Variants in PTCHD4 observed in about 807,000 individuals in gnomAD.
PTCHD4 encodes the protein patched domain-containing protein 4.
Under a neutral mutation model 58.1 loss-of-function variants are expected in PTCHD4, and 33 were observed. The observed-to-expected ratio is 0.57, with a 90% CI of 0.43 to 0.76. The LOEUF is 0.76. PTCHD4 is among the 30% of genes least tolerant of loss of function. The probability of loss-of-function intolerance (pLI) is 0.00; values close to 1 mark genes in which losing one functional copy is unlikely to be tolerated. For synonymous variants in PTCHD4, 478 were observed against 409.6 expected (o/e 1.17, Z -2.02); for missense variants, 1,058 against 1,027.1 (o/e 1.03, Z -0.41).
chr6:47,887,155 T>A (rs1764218819), intron 4 of PTCHD4, among the ~76,000 whole-genome samples: 1 of 151,510 alleles, frequency 6.6e-6, no homozygotes, highest in Non-Finnish European at 1.5e-5. Flanking sequence ...TAATAGTTAT[T>A]ATTGTAATGA....
At chr6:48,062,755 A>C (rs1008608248) in intron 3 of PTCHD4, among the ~76,000 whole-genome samples, 1 of 152,206 alleles carries the variant, frequency 6.6e-6, no homozygotes. Flanking sequence ...GGAAAAAAGC[A>C]CATGTACTTT....
intron 4 of PTCHD4, among the ~76,000 whole-genome samples, chr6:47,905,988 C>T (rs1286152432): frequency 6.6e-6 from 1 of 152,188 alleles, no homozygotes; most frequent in African/African-American, 2.4e-5. Flanking sequence ...CCCTGGGGGC[C>T]CATCAATTTT....
intron 4 of PTCHD4, among the ~76,000 whole-genome samples, chr6:47,956,959 T>C (rs1349417041): frequency 6.6e-6 from 1 of 151,590 alleles, no homozygotes; most frequent in Admixed American, 6.6e-5. Flanking sequence ...AGGTCAGGAG[T>C]TCGAGACCAG....
chr6:48,056,553 G>A (rs1740729534), intron 3 of PTCHD4, among the ~76,000 whole-genome samples: 1 of 152,270 alleles, frequency 6.6e-6, no homozygotes, highest in Admixed American at 6.5e-5. Context: ...TTAATTGAGT[G>A]TACTTTCTTG....
chr6:47,926,002 T>C (rs1277122698), intron 4 of PTCHD4, among the ~76,000 whole-genome samples: 2 of 152,198 alleles, frequency 1.3e-5, no homozygotes, highest in Non-Finnish European at 2.9e-5. Flanking sequence ...CTCTTGTTCA[T>C]TTTCCTCTTT....
In PTCHD4 at chr6:47,977,012, T is replaced by G. The variant is rs187180199; in HGVS notation, c.898+31622A>C. 5.3e-4 allele frequency among the ~76,000 whole-genome samples: 80 copies of G among 152,288 alleles called. 1 individual carries two copies. In the East Asian group the frequency reaches 0.011, roughly 20 times the overall value. ...ATTCGAGGATGTTATTAAAAGAGCA[T>G]GTATTCTGTGGCTTAGCAATTTCAC... On this transcript the variant is annotated intron_variant, in intron 4 of 4. Coordinates refer to ENST00000339488, the MANE Select transcript of PTCHD4 (RefSeq NM_001384253.1).
chr6:47,899,640 T>A, intron 4 of PTCHD4: 5 of 785,606 alleles, frequency 6.4e-6, no homozygotes, highest in Non-Finnish European at 7.7e-6. Context: ...TGTGATATAA[T>A]GCCAAGCAAT....
intron 3 of PTCHD4, among the ~76,000 whole-genome samples, chr6:48,027,123 T>C (rs1562014383): frequency 6.6e-6 from 1 of 152,134 alleles, no homozygotes; most frequent in Non-Finnish European, 1.5e-5. Context: ...GTATATATGA[T>C]ATGTATATGT....
At chr6:48,098,227 G>A (rs985318770) in intron 1 of PTCHD4, among the ~76,000 whole-genome samples, 1 of 152,056 alleles carries the variant, frequency 6.6e-6, no homozygotes, top group Non-Finnish European at 1.5e-5. Flanking sequence ...GATGCAAGGT[G>A]CAAAGTAGCA....
At chr6:48,033,594 A>G (rs745856440) in intron 3 of PTCHD4, among the ~76,000 whole-genome samples, 2 of 151,958 alleles carry the variant, frequency 1.3e-5, no homozygotes, top group African/African-American at 2.4e-5. Context: ...GAATCTAGGC[A>G]TTAAGAAATA....
chr6:48,110,881 T>G (rs1451196064), intron 1 of PTCHD4, among the ~76,000 whole-genome samples, 168 bp downstream of exon 1: 1 of 151,324 alleles, frequency 6.6e-6, no homozygotes, highest in Non-Finnish European at 1.5e-5. Context: ...AAGATGCCTC[T>G]CATTCTGCAG....
In PTCHD4 at chr6:47,869,849, A is replaced by G. The variant is rs1196210127; in HGVS notation, c.*8454T>C. 6.6e-6 allele frequency among the ~76,000 whole-genome samples: 1 copy of G among 151,736 alleles called. No homozygotes were observed. The highest frequency in any genetic ancestry group is 6.6e-5 in the Admixed American group (1 of 15,192). On this transcript the variant is annotated 3_prime_UTR_variant, in exon 5 of 5. Coordinates refer to ENST00000339488, the MANE Select transcript of PTCHD4 (RefSeq NM_001384253.1). Reference sequence around the variant, plus strand: ...GTTTAGGAAGTTTAATTCTTAGCCTAGAATTAAAAGGTAGCATGCTCGAAG... The same window carrying G: ...GTTTAGGAAGTTTAATTCTTAGCCTGGAATTAAAAGGTAGCATGCTCGAAG...
intron 3 of PTCHD4, among the ~76,000 whole-genome samples, chr6:48,025,342 A>C (rs535603785): frequency 6.6e-6 from 1 of 152,196 alleles, no homozygotes; most frequent in African/African-American, 2.4e-5. Flanking sequence ...CCAATTTAAC[A>C]CACTTGAGAA....
chr6:48,008,695 G>T lies in PTCHD4; in HGVS notation c.837C>A (p.Ile279=). 6.2e-7 allele frequency: 1 copy of T among 1,613,728 alleles called. No individual in the cohort carries two copies. Among genetic ancestry groups the T allele is most frequent in the Admixed American group, 1.7e-5 (1 of 59,954 alleles). ...VCISIITAAG[I]FFITDGKYNS... ...TGTACTTTCCATCGGTGATGAAGAA[G>T]ATCCCTGCTGCTGTGATGATGGAGA... The change falls in exon 4 of 5, where the codon ATC becomes ATA. Residue 279 remains isoleucine (I), a synonymous_variant. Transcript: ENST00000339488.
Position 47,870,490 on chromosome 6 carries a change from T to C in PTCHD4, c.*7813A>G, listed in dbSNP as rs1763686812. Among the ~76,000 whole-genome samples, 1 of 151,638 alleles carries C rather than the reference T, an allele frequency of 6.6e-6. No individual in the cohort carries two copies. Among genetic ancestry groups the C allele is most frequent in the Admixed American group, 6.6e-5 (1 of 15,178 alleles). The stretch of plus-strand genomic sequence containing the variant: ...TGTTCTTTATTTGTTTCTATTATAG[T>C]TAAGAAAAACCTGTTTTGCAAAATG... On this transcript the variant is annotated 3_prime_UTR_variant, in exon 5 of 5. Coordinates refer to ENST00000339488, the MANE Select transcript of PTCHD4 (RefSeq NM_001384253.1).
At chr6:48,106,221 C>A (rs1047628135) in intron 1 of PTCHD4, among the ~76,000 whole-genome samples, 7 of 152,028 alleles carry the variant, frequency 4.6e-5, no homozygotes, top group East Asian at 3.9e-4. Flanking sequence ...TGGCAAACCG[C>A]ATCCAGCAAC....
intron 4 of PTCHD4, among the ~76,000 whole-genome samples, chr6:47,945,410 T>C (rs905673299): frequency 1.3e-5 from 2 of 152,090 alleles, no homozygotes; most frequent in African/African-American, 2.4e-5. Context: ...AGAAATACTT[T>C]ACAAATATCC....
intron 1 of PTCHD4, among the ~76,000 whole-genome samples, chr6:48,106,140 C>G (rs528954642): frequency 1.3e-5 from 2 of 151,962 alleles, no homozygotes; most frequent in African/African-American, 2.4e-5. Flanking sequence ...CGGGCAGAGA[C>G]GCAACAAAAA....
intron 4 of PTCHD4, among the ~76,000 whole-genome samples, chr6:47,952,541 TAAC>T (rs1220611827): frequency 1.3e-5 from 2 of 152,096 alleles, no homozygotes; most frequent in African/African-American, 2.4e-5. Flanking sequence ...ATGTGCTGCA[TAAC>T]AACATTTCAG....
Sources: allele counts gnomAD v4.1 joint callset (sites outside exome capture counted in the v4.1 genomes callset), GRCh38; gene constraint gnomAD v4.1.1; transcripts MANE v1.5; gene names NCBI Gene and HGNC (gene_info 2026-07-23, HGNC 2026-07-21).